CNOT9: variants seen among roughly 807,000 people sequenced by gnomAD.
The protein encoded by CNOT9 is CCR4-NOT transcription complex subunit 9.
Under a neutral mutation model 37.4 loss-of-function variants are expected in CNOT9, and 8 were observed. That is an observed-to-expected ratio of 0.21 (90% CI 0.13 to 0.39). The LOEUF (loss-of-function observed/expected upper bound fraction) is 0.39. CNOT9 is among the 10% of genes least tolerant of loss of function. The pLI is 1.00. For synonymous variants in CNOT9, 120 were observed against 137.6 expected (o/e 0.87, Z 0.90); for missense variants, 154 against 365.3 (o/e 0.42, Z 4.71).
intron 1 of CNOT9, among the ~76,000 whole-genome samples, chr2:218,580,261 G>A (rs1340784861): frequency 1.3e-5 from 2 of 152,084 alleles, no homozygotes; most frequent in Non-Finnish European, 2.9e-5. Flanking sequence ...GTGCCACCGC[G>A]CCCGGCCACT....
chr2:218,594,035 G>T, intron 7 of CNOT9, 73 bp from the exon 8 acceptor site: 2 of 1,409,290 alleles, frequency 1.4e-6, no homozygotes, highest in South Asian at 1.2e-5. Context: ...TCTAAGAAGG[G>T]GGCTCTTCCC....
intron 1 of CNOT9, among the ~76,000 whole-genome samples, chr2:218,576,932 A>G (rs1574986542): frequency 6.7e-6 from 1 of 150,210 alleles, no homozygotes; most frequent in African/African-American, 2.5e-5. Flanking sequence ...ACACCACTGC[A>G]CTCCAGCCTG....
In CNOT9 at chr2:218,568,889, G is replaced by A; in HGVS notation, c.-66G>A. ...GCGGCTCATTGTTTTCCGCTGCAGG[G>A]GTGCTGAAGGGGGGACGCGGGTCGG... On this transcript the variant is annotated 5_prime_UTR_variant, in exon 1 of 8. Coordinates refer to ENST00000273064, the MANE Select transcript of CNOT9 (RefSeq NM_005444.3). 1.3e-6 allele frequency: 2 copies of A among 1,564,438 alleles called. No homozygotes were observed. The highest frequency in any genetic ancestry group is 1.7e-6 in the Non-Finnish European group (2 of 1,150,246).
chr2:218,573,089 G>A (rs1010380599), intron 1 of CNOT9, among the ~76,000 whole-genome samples: 1 of 152,164 alleles, frequency 6.6e-6, no homozygotes, highest in African/African-American at 2.4e-5. Flanking sequence ...GGAGGCTGAG[G>A]CAGGTGGATC....
At chr2:218,576,623 A>G (rs1004437930) in intron 1 of CNOT9, among the ~76,000 whole-genome samples, 1 of 152,136 alleles carries the variant, frequency 6.6e-6, no homozygotes, top group African/African-American at 2.4e-5. Context: ...TTTGTCTGAG[A>G]TTTTTATGTA....
chr2:218,583,110 T>TG, intron 3 of CNOT9, 24 bp downstream of exon 3: 1 of 1,446,474 alleles, frequency 6.9e-7, no homozygotes, highest in Non-Finnish European at 9.7e-7. Context: ...GTGAGTCACT[T>TG]GGGGGAGATA....
At chr2:218,580,955 C>A in intron 2 of CNOT9, 1 of 637,064 alleles carries the variant, frequency 1.6e-6, no homozygotes, top group Non-Finnish European at 2.9e-6. Flanking sequence ...GAGGTGGGCC[C>A]TATAATCTAT....
At chr2:218,586,703 G>A (rs1385817375) in intron 4 of CNOT9, among the ~76,000 whole-genome samples, 1 of 152,022 alleles carries the variant, frequency 6.6e-6, no homozygotes, top group Admixed American at 6.6e-5. Context: ...TGGCCAGGCT[G>A]GTCTTGGAAC....
chr2:218,589,476 A>G (rs1162513672), intron 5 of CNOT9, among the ~76,000 whole-genome samples: 1 of 152,134 alleles, frequency 6.6e-6, no homozygotes, highest in Non-Finnish European at 1.5e-5. Flanking sequence ...CTGGGACCAC[A>G]TGCCTGCTCC....
Position 218,595,223 on chromosome 2 carries a change from C to T in CNOT9, c.*947C>T, listed in dbSNP as rs1223534249. ...CAATCCAAGTTTTCAAAGATATTTT[C>T]TCAATAACTCTAAAAGGGAGGTGCT... is the stretch of plus-strand genomic sequence containing the variant. On this transcript the variant is annotated 3_prime_UTR_variant, in exon 8 of 8. Transcript: ENST00000273064. The T allele has an allele frequency of 6.6e-6, 1 of 152,060 alleles. No individual in the cohort carries two copies. The highest frequency in any genetic ancestry group is 6.6e-5 in the Admixed American group (1 of 15,246). 9.4% of individuals were successfully genotyped at this position (152,060 alleles called of 1,614,324 possible). A position where few individuals can be genotyped will look rare whatever the true frequency, so the allele number is the denominator to read the frequency against.
chr2:218,590,166 C>A (rs1694726317), intron 5 of CNOT9, among the ~76,000 whole-genome samples: 1 of 151,998 alleles, frequency 6.6e-6, no homozygotes, highest in East Asian at 1.9e-4. Flanking sequence ...CTCCTGGGTT[C>A]AAGCAATTCT....
At position 218,587,580 on chromosome 2, in the gene CNOT9, C is replaced by T. The variant is rs1273639265; in HGVS notation, c.431-6C>T. The T allele has an allele frequency of 6.4e-7, 1 of 1,574,786 alleles. No homozygotes were observed. The highest frequency in any genetic ancestry group is 8.6e-7 in the Non-Finnish European group (1 of 1,160,424). On this transcript the variant is annotated splice_polypyrimidine_tract_variant and splice_region_variant and intron_variant, in intron 4 of 7. Transcript: ENST00000273064. ...AAATAATTTTGTTTGTCCTTATTTT[C>T]TTTAGGGGCCCTGGTGAAAACAGAT...
intron 1 of CNOT9, among the ~76,000 whole-genome samples, chr2:218,577,265 A>G (rs1435306151): frequency 1.3e-5 from 2 of 152,178 alleles, no homozygotes; most frequent in Admixed American, 6.5e-5. Context: ...GTGGGTATTC[A>G]GTTGGTGTAA....
At chr2:218,573,223 C>T (rs143165229) in intron 1 of CNOT9, among the ~76,000 whole-genome samples, 1,938 of 151,442 alleles carry the variant, frequency 0.013, 46 homozygotes, top group African/African-American at 0.045. Context: ...GAGGCTGAGG[C>T]AGGACAATCG....
chr2:218,583,233 GTCTCTCTCTCTCTCTC>G (rs150987052), intron 3 of CNOT9, 147 bp downstream of exon 3: 219 of 47,718 alleles, frequency 4.6e-3, no homozygotes, highest in African/African-American at 0.013. Context: ...GTGTGTGTGT[GTCTCTCTCTCTCTCTC>G]TCTCTCTCTC....
At chr2:218,576,200 G>A (rs189617221) in intron 1 of CNOT9, among the ~76,000 whole-genome samples, 65 of 152,146 alleles carry the variant, frequency 4.3e-4, no homozygotes, top group Middle Eastern at 6.8e-3. Context: ...ATAACTCTTG[G>A]GATATGGAAG....
chr2:218,577,877 C>G (rs1347415480), intron 1 of CNOT9, among the ~76,000 whole-genome samples: 1 of 152,140 alleles, frequency 6.6e-6, no homozygotes, highest in Non-Finnish European at 1.5e-5. Flanking sequence ...CTGTGAGGCC[C>G]CCTTTGGTTA....
rs1266746406 is a variant in CNOT9 at position 218,596,520 on chromosome 2, C to T, written c.*2244C>T. 2.0e-5 allele frequency: 3 copies of T among 150,554 alleles called. No homozygotes were observed. The highest frequency in any genetic ancestry group is 7.5e-5 in the African/African-American group (3 of 39,816). 9.3% of individuals were successfully genotyped at this position (150,554 alleles called of 1,614,324 possible). On this transcript the variant is annotated 3_prime_UTR_variant, in exon 8 of 8. Transcript: ENST00000273064. ...GTGATCCTTGTCATGCCTGCTTCTC[C>T]CCTCTGTCTACCTACACAACACACA...
In CNOT9 at chr2:218,592,638, C is replaced by T. The variant is rs369421512; in HGVS notation, c.662C>T (p.Ser221Phe). 4 of 1,614,148 alleles carry T rather than the reference C, an allele frequency of 2.5e-6. No homozygotes were observed. The highest frequency in any genetic ancestry group is 3.4e-6 in the Non-Finnish European group (4 of 1,180,008). Reference protein sequence around the residue: ...MILGKMVLQLSKEPSARLLKH... With the variant: ...MILGKMVLQLFKEPSARLLKH... ...CAGGGTAAGATGGTCCTGCAGCTAT[C>T]CAAAGAGCCTTCTGCCCGTCTGCTG... Residue 221 changes from serine (S) to phenylalanine (F), a missense_variant, in exon 7 of 8, where the codon TCC becomes TTC. Physicochemically the swap from Ser to Phe is radical, Grantham distance 155. Coordinates refer to ENST00000273064, the MANE Select transcript of CNOT9 (RefSeq NM_005444.3). The surrounding 1 kb of genome is among the most constrained non-coding windows in gnomAD (Gnocchi z 4.1).
Sources: gnomAD v4.1 joint callset for allele counts (sites outside exome capture counted in the v4.1 genomes callset) on GRCh38, gnomAD v4.1.1 for gene constraint, Gnocchi (gnomAD v3.1) non-coding constraint, MANE v1.5 for transcripts, NCBI Gene and HGNC (gene_info 2026-07-23, HGNC 2026-07-21) for gene names.